The following DAB2IP variants were observed in gnomAD, a reference collection of about 807,000 sequenced individuals.
The protein encoded by DAB2IP is DAB2 interacting protein.
Under a neutral mutation model 107.2 loss-of-function variants are expected in DAB2IP, and 28 were observed. The observed-to-expected ratio is 0.26, with a 90% CI of 0.19 to 0.36. DAB2IP has a LOEUF of 0.36. Among genes scored for constraint, DAB2IP ranks in the 10% least tolerant of loss-of-function variants. DAB2IP has a pLI of 1.00. For missense variants in DAB2IP, 1,400 were observed against 1,644.7 expected (o/e 0.85, Z 2.57); for synonymous variants, 755 against 706.4 (o/e 1.07, Z -1.09).
intron 1 of DAB2IP, among the ~76,000 whole-genome samples, chr9:121,629,653 C>G (rs891439724): frequency 1.3e-5 from 2 of 152,100 alleles, no homozygotes; most frequent in African/African-American, 4.8e-5. Flanking sequence ...CACTCTGGCT[C>G]CAGGGAGTCA....
intron 1 of DAB2IP, among the ~76,000 whole-genome samples, chr9:121,616,235 C>T (rs914969724): frequency 6.6e-6 from 1 of 152,158 alleles, no homozygotes; most frequent in African/African-American, 2.4e-5. Flanking sequence ...AAGAGAAGAG[C>T]CTTCTGTTTA....
rs763773642 is a variant in DAB2IP, at chr9:121,665,267, G to A, written c.124+13368G>A. Among the ~76,000 whole-genome samples the A allele has an allele frequency of 2.7e-4, 41 of 152,182 alleles. 1 individual carries two copies. The highest frequency in any genetic ancestry group is 4.4e-4 in the Non-Finnish European group (30 of 68,028). On this transcript the variant is annotated intron_variant, in intron 1 of 15. Coordinates refer to ENST00000408936, the Ensembl canonical transcript of DAB2IP. ...GCTTGTAATCCCAGCACTTTGGAAG[G>A]CCAAGGCTGGAAGGAGGATTGCTGG...
At chr9:121,740,323 C>T (rs768893966) in intron 3 of DAB2IP, among the ~76,000 whole-genome samples, 2 of 152,184 alleles carry the variant, frequency 1.3e-5, no homozygotes, top group African/African-American at 2.4e-5. Flanking sequence ...AAGGCTTGCT[C>T]ACTGTGCCCT....
chr9:121,682,747 G>A (rs945520292), intron 2 of DAB2IP, among the ~76,000 whole-genome samples: 3 of 152,162 alleles, frequency 2.0e-5, no homozygotes, highest in Admixed American at 2.0e-4. Context: ...TAAGAGAATG[G>A]GCTCTAGAGA....
At chr9:121,679,190 A>G (rs934804223) in intron 2 of DAB2IP, among the ~76,000 whole-genome samples, 1 of 152,142 alleles carries the variant, frequency 6.6e-6, no homozygotes, top group Non-Finnish European at 1.5e-5. Flanking sequence ...ATGGCATACC[A>G]TAATTTAAAT....
At chr9:121,693,453 C>T (rs1382032937) in intron 2 of DAB2IP, among the ~76,000 whole-genome samples, 1 of 152,232 alleles carries the variant, frequency 6.6e-6, no homozygotes, top group African/African-American at 2.4e-5. Flanking sequence ...CCTCCCTTTC[C>T]TGTTTATTTA....
At chr9:121,730,485 C>T (rs1462677084) in intron 3 of DAB2IP, among the ~76,000 whole-genome samples, 4 of 152,284 alleles carry the variant, frequency 2.6e-5, no homozygotes, top group African/African-American at 7.2e-5. Context: ...GTGAATAGAA[C>T]CTATCACCCT....
intron 1 of DAB2IP, among the ~76,000 whole-genome samples, chr9:121,636,016 G>T (rs2119024987): frequency 6.6e-6 from 1 of 152,296 alleles, no homozygotes; most frequent in Non-Finnish European, 1.5e-5. Flanking sequence ...TGATTCTCGT[G>T]TCTCAGCCTC....
At chr9:121,645,719 C>T (rs1438700954) in intron 1 of DAB2IP, among the ~76,000 whole-genome samples, 3 of 152,196 alleles carry the variant, frequency 2.0e-5, no homozygotes, top group African/African-American at 7.2e-5. Flanking sequence ...TTTTGAGGGC[C>T]TCAGCTTCCC....
chr9:121,655,942 A>G lies in DAB2IP; in HGVS notation c.124+4043A>G, dbSNP rs150017205. On this transcript the variant is annotated intron_variant, in intron 1 of 15. Transcript: ENST00000408936. ...GATGGTTTCATACAACTGGTTCCTA[A>G]CCAAGAGAACAGTTAGGTAAGGACC... Among the ~76,000 whole-genome samples, 402 of 151,418 alleles carry G rather than the reference A, an allele frequency of 2.7e-3. 1 individual carries two copies. Among genetic ancestry groups the G allele is most frequent in the African/African-American group, 9.3e-3 (384 of 41,256 alleles).
chr9:121,762,259 C>G (rs56166736), intron 6 of DAB2IP, among the ~76,000 whole-genome samples: 1 of 152,186 alleles, frequency 6.6e-6, no homozygotes, highest in African/African-American at 2.4e-5. Flanking sequence ...GCATTGGTTT[C>G]CCCCTTATTG....
intron 1 of DAB2IP, among the ~76,000 whole-genome samples, chr9:121,668,196 AT>A (rs11314701): frequency 0.6 from 85,733 of 142,484 alleles, 25,912 homozygotes; most frequent in East Asian, 0.73. Flanking sequence ...GCTGTTGTTG[AT>A]TTTTTTTTTT....
At chr9:121,674,167 A>T (rs914320458) in intron 1 of DAB2IP, among the ~76,000 whole-genome samples, 1 of 152,120 alleles carries the variant, frequency 6.6e-6, no homozygotes, top group Non-Finnish European at 1.5e-5. Flanking sequence ...GGTGGCTGGG[A>T]CCTTCCGTGG....
intron 3 of DAB2IP, among the ~76,000 whole-genome samples, chr9:121,725,727 G>A (rs1437060908): frequency 6.6e-6 from 1 of 152,222 alleles, no homozygotes; most frequent in Non-Finnish European, 1.5e-5. Context: ...CCTTGAGGGA[G>A]GGAAAGGGCT....
At chr9:121,682,237 C>T (rs561787714) in intron 2 of DAB2IP, among the ~76,000 whole-genome samples, 1 of 152,202 alleles carries the variant, frequency 6.6e-6, no homozygotes, top group Non-Finnish European at 1.5e-5. Flanking sequence ...CTGTGTAGAC[C>T]CTCGAGGGAA....
intron 1 of DAB2IP, among the ~76,000 whole-genome samples, chr9:121,638,491 G>A (rs1226825894): frequency 6.6e-6 from 1 of 152,202 alleles, no homozygotes; most frequent in East Asian, 1.9e-4. Flanking sequence ...CTCAGAGAGA[G>A]TGTTGCAGGA....
At position 121,641,935 on chromosome 9, in the gene DAB2IP, T is replaced by TTCTTTCTTTCTTTCTG. The variant is rs1554718106; in HGVS notation, c.41-36740_41-36739insTTCTTTCTTTCTGTCT. Among the ~76,000 whole-genome samples, 704 of 113,680 alleles carry TTCTTTCTTTCTTTCTG rather than the reference T, an allele frequency of 6.2e-3. 14 individuals carry two copies. Among genetic ancestry groups the TTCTTTCTTTCTTTCTG allele is most frequent in the African/African-American group, 0.011 (265 of 23,480 alleles). 74.6% of individuals were successfully genotyped at this position (113,680 alleles called of 152,430 possible). On this transcript the variant is annotated intron_variant, in intron 1 of 16. Coordinates refer to the DAB2IP transcript ENST00000259371. Reference sequence around the variant, plus strand: ...TTTCTTTCTTTCTTTCTTTCTTTCTTTCTCTCTTTCTTTCCTTTCTTTCTT... The same window carrying TTCTTTCTTTCTTTCTG: ...TTTCTTTCTTTCTTTCTTTCTTTCTTTCTTTCTTTCTTTCTGTCTCTCTTTCTTTCCTTTCTTTCTT...
intron 1 of DAB2IP, among the ~76,000 whole-genome samples, chr9:121,640,325 G>A (rs1564127242): frequency 1.3e-5 from 2 of 152,078 alleles, no homozygotes; most frequent in South Asian, 2.1e-4. Flanking sequence ...GCCTGGGTGG[G>A]AAGACGGGCC....
At chr9:121,748,611 T>G (rs1473987789) in intron 3 of DAB2IP, among the ~76,000 whole-genome samples, 1 of 152,228 alleles carries the variant, frequency 6.6e-6, no homozygotes, top group Non-Finnish European at 1.5e-5. Context: ...TGTGCAGAGT[T>G]GTTGGGAGAA....
Sources: gnomAD v4.1 joint callset for allele counts (sites outside exome capture counted in the v4.1 genomes callset) on GRCh38, gnomAD v4.1.1 for gene constraint, MANE v1.5 for transcripts, NCBI Gene and HGNC (gene_info 2026-07-23, HGNC 2026-07-21) for gene names.